KANSL1L: variants seen among roughly 807,000 people sequenced by gnomAD.
KANSL1L encodes the protein KAT8 regulatory NSL complex subunit 1 like.
A neutral mutation model predicts 108.6 loss-of-function variants in KANSL1L; 25 were observed. That is an observed-to-expected ratio of 0.23 (90% CI 0.17 to 0.32). KANSL1L has a LOEUF of 0.32. Ranked by LOEUF, KANSL1L falls within the 10% of genes least tolerant of loss-of-function variation. The pLI, the probability that KANSL1L is intolerant of heterozygous loss-of-function variation, is 1.00. For synonymous variants in KANSL1L, 405 were observed against 395.1 expected (o/e 1.03, Z -0.30); for missense variants, 1,137 against 1,125.7 (o/e 1.01, Z -0.14).
chr2:210,170,268 T>C (rs1051297262), intron 1 of KANSL1L: 22 of 688,642 alleles, frequency 3.2e-5, no homozygotes, highest in Non-Finnish European at 3.8e-5. Context: ...CGAAGGAAGT[T>C]TGTCTCCTAA....
chr2:210,083,555 T>C (rs2094608529), intron 5 of KANSL1L, among the ~76,000 whole-genome samples: 1 of 152,132 alleles, frequency 6.6e-6, no homozygotes, highest in African/African-American at 2.4e-5. Flanking sequence ...ATGCATCACA[T>C]ATTCAGATAA....
In KANSL1L at chr2:210,074,620, A is replaced by T. The variant is rs188988934; in HGVS notation, c.1755+932T>A. 3.3e-4 allele frequency among the ~76,000 whole-genome samples: 50 copies of T among 152,264 alleles called. No homozygotes were observed. The East Asian group carries it at 8.9e-3, about 27-fold the overall frequency. On this transcript the variant is annotated intron_variant, in intron 6 of 14. Transcript: ENST00000281772. ...TCCCTCTGCCTTGGCCTCCCAAAGT[A>T]CTGGGATTACAGGAATAAGCCACCG... is the stretch of plus-strand genomic sequence containing the variant.
At chr2:210,024,232 T>G in intron 13 of KANSL1L, 31 bp from the exon 14 acceptor site, 1 of 1,503,246 alleles carries the variant, frequency 6.7e-7, no homozygotes, top group Middle Eastern at 1.9e-4. Flanking sequence ...ACACAATTAT[T>G]TTTTATTTTT....
chr2:210,052,154 C>T (rs1478448669), intron 6 of KANSL1L, among the ~76,000 whole-genome samples: 1 of 151,924 alleles, frequency 6.6e-6, no homozygotes, highest in Non-Finnish European at 1.5e-5. Flanking sequence ...GAGGTGGATA[C>T]CACCATACCT....
intron 8 of KANSL1L, among the ~76,000 whole-genome samples, chr2:210,036,550 T>G (rs1444127126): frequency 6.6e-6 from 1 of 152,192 alleles, no homozygotes; most frequent in Non-Finnish European, 1.5e-5. Flanking sequence ...TCCATTACAT[T>G]ATAATTTTGA....
At chr2:210,091,904 C>A (rs900994670) in intron 5 of KANSL1L, among the ~76,000 whole-genome samples, 1 of 152,196 alleles carries the variant, frequency 6.6e-6, no homozygotes, top group Non-Finnish European at 1.5e-5. Flanking sequence ...TTGTCCTTCA[C>A]ACTCAGACTT....
At chr2:210,119,799 A>G (rs758054381) in intron 3 of KANSL1L, among the ~76,000 whole-genome samples, 1 of 152,226 alleles carries the variant, frequency 6.6e-6, no homozygotes, top group African/African-American at 2.4e-5. Flanking sequence ...CTGTCATTCA[A>G]TATAATACTG....
At chr2:210,121,937 C>T (rs1457637390) in intron 3 of KANSL1L, among the ~76,000 whole-genome samples, 1 of 152,058 alleles carries the variant, frequency 6.6e-6, no homozygotes, top group Non-Finnish European at 1.5e-5. Context: ...AACTCATTTA[C>T]AGTAGATACA....
chr2:210,096,538 G>A (rs956667713), intron 5 of KANSL1L: 4 of 984,540 alleles, frequency 4.1e-6, no homozygotes. Context: ...GTAACTATGT[G>A]TGTAACTGTG....
intron 10 of KANSL1L, 132 bp from the exon 11 acceptor site, chr2:210,029,101 C>G (rs900972815): frequency 4.8e-5 from 37 of 764,526 alleles, no homozygotes; most frequent in Non-Finnish European, 7.3e-5. Context: ...TAAAGTCTGA[C>G]TAAAAAATGT....
At chr2:210,075,409 C>A (rs1434574807) in intron 6 of KANSL1L, 143 bp downstream of exon 6, 2 of 611,972 alleles carry the variant, frequency 3.3e-6, no homozygotes, top group Non-Finnish European at 5.7e-6. Context: ...TCTACTATAT[C>A]ATTTTTAAAC....
At chr2:210,075,226 G>T (rs1449690640) in intron 6 of KANSL1L, among the ~76,000 whole-genome samples, 1 of 151,968 alleles carries the variant, frequency 6.6e-6, no homozygotes, top group African/African-American at 2.4e-5. Flanking sequence ...GTACATTTGT[G>T]TTACCCTCTT....
chr2:210,114,493 T>C (rs553440463), intron 3 of KANSL1L, among the ~76,000 whole-genome samples: 97 of 152,238 alleles, frequency 6.4e-4, no homozygotes, highest in African/African-American at 2.2e-3. Context: ...ATGAAAGACG[T>C]AGATAGTAAC....
At position 210,029,812 on chromosome 2, in the gene KANSL1L, A is replaced by C. The variant is rs2093990181; in HGVS notation, c.2262T>G (p.Asn754Lys). The change falls in exon 10 of 15, where the codon AAT (asparagine) becomes AAG (lysine). Residue 754 changes from asparagine (N) to lysine (K), a missense_variant. This residue lies in a region of KANSL1L where 575 missense variants were observed against 567.1 expected (regional missense o/e 1.01). Transcript: ENST00000281772. ...ATATGGAAAAACCTACTCGTGATGA[A>C]TTCTGGATTCTTGATAAAACGTTGA... ...SNVNVLSRIQ[N>K]SSRNTARRRL... 5.1e-6 allele frequency: 8 copies of C among 1,558,552 alleles called. No individual in the cohort carries two copies. The highest frequency in any genetic ancestry group is 7.1e-6 in the Non-Finnish European group (8 of 1,132,972).
rs559653557 is a variant in KANSL1L at position 210,104,290 on chromosome 2, G to A, written c.1242C>T (p.Val414=). The A allele has an allele frequency of 9.3e-6, 15 of 1,612,922 alleles. No homozygotes were observed. In the African/African-American group the frequency reaches 1.6e-4, roughly 17 times the overall value. ...RQIRASKGIV[V]LEECQLPKDI... ...CTTTTGGAAGCTGACATTCTTCTAG[G>A]ACCACTATCCCCTAGACAAAAAACA... The change falls in exon 4 of 15, where the codon GTC becomes GTT. Residue 414 remains valine (V), a synonymous_variant. Transcript: ENST00000281772.
intron 6 of KANSL1L, among the ~76,000 whole-genome samples, chr2:210,065,161 T>G (rs1446697642): frequency 6.6e-6 from 1 of 151,032 alleles, no homozygotes; most frequent in Non-Finnish European, 1.5e-5. Context: ...TGTGTGGTGG[T>G]GGTGCCTGTA....
At chr2:210,162,012 C>A (rs2095363733) in intron 1 of KANSL1L, among the ~76,000 whole-genome samples, 1 of 149,798 alleles carries the variant, frequency 6.7e-6, no homozygotes, top group African/African-American at 2.5e-5. Context: ...ATCACTTGAG[C>A]CCAGGAGTTT....
chr2:210,100,555 A>G (rs575063793), intron 4 of KANSL1L, among the ~76,000 whole-genome samples: 1 of 152,348 alleles, frequency 6.6e-6, no homozygotes, highest in South Asian at 2.1e-4. Context: ...GTTATATATC[A>G]GTAGATTATC....
In KANSL1L at chr2:210,029,923, CATG is replaced by C. The variant is rs765469537; in HGVS notation, c.2156-8_2156-6del. 11 of 1,440,612 alleles carry C rather than the reference CATG, an allele frequency of 7.6e-6. No homozygotes were observed. In the East Asian group the frequency reaches 2.3e-4, roughly 30 times the overall value. The allele number at this position is 1,440,612 out of a possible 1,614,324, so 89.2% of individuals were successfully genotyped here. A position where few individuals can be genotyped will look rare whatever the true frequency, so the allele number is the denominator to read the frequency against. On this transcript the variant is annotated splice_region_variant and splice_polypyrimidine_tract_variant and intron_variant, in intron 9 of 14. Transcript: ENST00000281772. Reference sequence around the variant, plus strand: ...CTTCAAGTTTAGTTCTTTCTCCTGCCATGGAAAGAACCATTGAATGTTACACAT... The same window carrying C: ...CTTCAAGTTTAGTTCTTTCTCCTGCCGAAAGAACCATTGAATGTTACACAT...
Sources: gnomAD v4.1 joint callset for allele counts (sites outside exome capture counted in the v4.1 genomes callset) on GRCh38, gnomAD v4.1.1 for gene constraint, gnomAD v4.1.1 regional missense constraint, MANE v1.5 for transcripts, NCBI Gene and HGNC (gene_info 2026-07-23, HGNC 2026-07-21) for gene names.